Variants in ZNF565 observed in about 807,000 individuals in gnomAD.
ZNF565 encodes the protein zinc finger protein 565.
In ZNF565, 27 loss-of-function variants were observed where a neutral mutation model predicts 39.4. That is an observed-to-expected ratio of 0.69 (90% CI 0.51 to 0.95). ZNF565 has a LOEUF of 0.95. Among genes scored for constraint, ZNF565 ranks in the 40% least tolerant of loss-of-function variants. ZNF565 has a pLI of 0.00. For missense variants in ZNF565, 524 were observed against 621.1 expected (o/e 0.84, Z 1.66); for synonymous variants, 185 against 216.6 (o/e 0.85, Z 1.28).
intron 2 of ZNF565, among the ~76,000 whole-genome samples, chr19:36,196,086 G>A (rs752490893): frequency 4.0e-5 from 6 of 151,812 alleles, no homozygotes; most frequent in South Asian, 4.2e-4. Flanking sequence ...ACAGGTGTGC[G>A]CCGCCACACT....
rs1285216062 is a variant in ZNF565, at chr19:36,182,322, T to C, written c.*144A>G. 1.4e-5 allele frequency: 8 copies of C among 581,052 alleles called. No homozygotes were observed. The highest frequency in any genetic ancestry group is 2.1e-5 in the Non-Finnish European group (8 of 372,970). The allele number at this position is 581,052 out of a possible 1,614,324, so 36.0% of individuals were successfully genotyped here. On this transcript the variant is annotated 3_prime_UTR_variant, in exon 5 of 5. Transcript: ENST00000304116. ...AATTCCCACATTTATTTAATTTTCTTTGGGTGTGAGTTTTCTGATGTTCTA... is the reference window on the plus strand; with the variant it reads ...AATTCCCACATTTATTTAATTTTCTCTGGGTGTGAGTTTTCTGATGTTCTA...
At position 36,183,322 on chromosome 19, in the gene ZNF565, C is replaced by A. The variant is rs199590148; in HGVS notation, c.644G>T (p.Arg215Ile). 39 of 1,614,054 alleles carry A rather than the reference C, an allele frequency of 2.4e-5. No homozygotes were observed. The highest frequency in any genetic ancestry group is 3.2e-5 in the Non-Finnish European group (38 of 1,180,042). Residue 215 changes from arginine to isoleucine, a missense_variant, in exon 5 of 5, where the codon AGA (arginine) becomes ATA (isoleucine). Arg to Ile is a moderately conservative substitution (Grantham distance 97, BLOSUM62 -3). Transcript: ENST00000304116. Reference sequence around the variant, plus strand: ...ATAAGGTTTCTCACCCGTGTGAATTCTCTGATGCTGAACAAGGTGTGAGGC... The same window carrying A: ...ATAAGGTTTCTCACCCGTGTGAATTATCTGATGCTGAACAAGGTGTGAGGC... ...SRASHLVQHQRIHTGEKPYDC... is the reference protein window; with the variant it reads ...SRASHLVQHQIIHTGEKPYDC...
chr19:36,211,938 G>T (rs1014777654), intron 1 of ZNF565, among the ~76,000 whole-genome samples: 1 of 152,122 alleles, frequency 6.6e-6, no homozygotes, highest in Admixed American at 6.6e-5. Context: ...ATGAAAGGAG[G>T]ATAAGAAACG....
At chr19:36,233,570 GA>G in intron 1 of ZNF565, among the ~76,000 whole-genome samples, 1 of 152,300 alleles carries the variant, frequency 6.6e-6, no homozygotes, top group South Asian at 2.1e-4. Flanking sequence ...GTTTCTCGGA[GA>G]GGGGGATGTG....
intron 1 of ZNF565, among the ~76,000 whole-genome samples, chr19:36,242,753 T>C (rs551620355): frequency 1.3e-5 from 2 of 152,198 alleles, no homozygotes; most frequent in East Asian, 3.9e-4. Flanking sequence ...AAAATTAAAA[T>C]GGACAAATAA....
rs1183093969 is a variant in ZNF565, at chr19:36,199,506, C to CTTTTTTTT, written c.9+2463_9+2470dup. Among the ~76,000 whole-genome samples, 328 of 128,886 alleles carry CTTTTTTTT rather than the reference C, an allele frequency of 2.5e-3. 1 individual carries two copies. Among genetic ancestry groups the CTTTTTTTT allele is most frequent in the East Asian group, 4.8e-3 (21 of 4,354 alleles). 84.6% of individuals were successfully genotyped at this position (128,886 alleles called of 152,430 possible). A position where few individuals can be genotyped will look rare whatever the true frequency, so the allele number is the denominator to read the frequency against. On this transcript the variant is annotated intron_variant, in intron 2 of 4. Coordinates refer to ENST00000304116, the MANE Select transcript of ZNF565 (RefSeq NM_152477.5). ...CTTTTAAATGAATTTCTTTCTTTCT[C>CTTTTTTTT]TTTTTTTTTTTTTTTTTTTGAGACA... is the stretch of plus-strand genomic sequence containing the variant.
chr19:36,241,430 G>C (rs1430702097), intron 1 of ZNF565, among the ~76,000 whole-genome samples: 2 of 148,936 alleles, frequency 1.3e-5, no homozygotes, highest in East Asian at 4.0e-4. Context: ...GTTGCAGTGA[G>C]CCGAGATCGT....
chr19:36,195,931 G>A (rs567559058), intron 2 of ZNF565, among the ~76,000 whole-genome samples: 1 of 135,170 alleles, frequency 7.4e-6, no homozygotes, highest in South Asian at 2.4e-4. Flanking sequence ...TTAATGAGAA[G>A]ATGAAGAATT....
Position 36,195,153 on chromosome 19 carries a change from G to C in ZNF565, c.13C>G (p.Leu5Val). Residue 5 changes from leucine to valine, a missense_variant, in exon 3 of 5, where the codon CTG becomes GTG. Physicochemically the swap from Leu to Val is conservative, Grantham distance 32. Transcript: ENST00000304116. MAQG[L>V]VTFRDVAIEF... is the part of the protein sequence containing the mutation. The stretch of plus-strand genomic sequence containing the variant: ...ATGGCCACGTCCCTGAATGTCACCA[G>C]TCCCTGAAACAATAAACCCACGCAT... 1 of 1,613,472 alleles carries C rather than the reference G, an allele frequency of 6.2e-7. No individual in the cohort carries two copies. Among genetic ancestry groups the C allele is most frequent in the South Asian group, 1.1e-5 (1 of 91,068 alleles).
At chr19:36,221,956 G>C (rs1308661570) in intron 1 of ZNF565, among the ~76,000 whole-genome samples, 4 of 108,830 alleles carry the variant, frequency 3.7e-5, no homozygotes, top group Non-Finnish European at 6.9e-5. Context: ...TTTTGAAATA[G>C]TCTCGCTCTG....
At chr19:36,241,761 C>T (rs1201275205) in intron 1 of ZNF565, among the ~76,000 whole-genome samples, 2 of 135,416 alleles carry the variant, frequency 1.5e-5, no homozygotes, top group Admixed American at 7.9e-5. Context: ...CACTGCACTC[C>T]AGCCTGGCAA....
At position 36,200,815 on chromosome 19, in the gene ZNF565, C is replaced by T. The variant is rs545748387; in HGVS notation, c.9+1162G>A. Among the ~76,000 whole-genome samples the T allele has an allele frequency of 4.1e-4, 62 of 152,028 alleles. 1 individual carries two copies. Among genetic ancestry groups the T allele is most frequent in the African/African-American group, 1.3e-3 (55 of 41,480 alleles). On this transcript the variant is annotated intron_variant, in intron 2 of 4. Transcript: ENST00000304116. ...ATATATATTTTCTGAGACAGAGTCT[C>T]GCTGTGTCGCCCAAGCCGGAGTGCA...
intron 1 of ZNF565, among the ~76,000 whole-genome samples, chr19:36,210,790 G>GA (rs969178929): frequency 2.6e-5 from 4 of 151,132 alleles, no homozygotes; most frequent in Non-Finnish European, 4.4e-5. Flanking sequence ...ACACCTGGCT[G>GA]AAAAAAAATC....
chr19:36,203,900 T>C (rs1358912503), intron 1 of ZNF565, among the ~76,000 whole-genome samples: 1 of 151,264 alleles, frequency 6.6e-6, no homozygotes, highest in African/African-American at 2.4e-5. Context: ...TTAAATCTGA[T>C]CTAATTAGAG....
At chr19:36,194,428 A>G (rs1975685700) in intron 3 of ZNF565, 100 bp from the exon 4 acceptor site, 1 of 886,772 alleles carries the variant, frequency 1.1e-6, no homozygotes, top group Admixed American at 2.8e-5. Flanking sequence ...AGGTAGGTGG[A>G]AGGTTGTCCA....
chr19:36,183,907 G>A (rs1208833441), intron 4 of ZNF565, among the ~76,000 whole-genome samples, 174 bp from the exon 5 acceptor site: 1 of 151,490 alleles, frequency 6.6e-6, no homozygotes, highest in Non-Finnish European at 1.5e-5. Context: ...GTGAAACCCT[G>A]TCTCTATTAA....
chr19:36,196,418 G>A (rs566056302), intron 2 of ZNF565, among the ~76,000 whole-genome samples: 81 of 152,266 alleles, frequency 5.3e-4, no homozygotes, highest in African/African-American at 1.9e-3. Flanking sequence ...GAGGAAGGAG[G>A]TAATGAAGCA....
chr19:36,240,185 A>G (rs960180379), intron 1 of ZNF565, among the ~76,000 whole-genome samples: 4 of 152,230 alleles, frequency 2.6e-5, no homozygotes, highest in Non-Finnish European at 1.5e-5. Flanking sequence ...TAAAATATAC[A>G]ACAATTTTAA....
chr19:36,238,809 A>G (rs1977742605), intron 1 of ZNF565: 2 of 166,180 alleles, frequency 1.2e-5, no homozygotes, highest in African/African-American at 2.4e-5. Flanking sequence ...CATACACACT[A>G]TATCGGGGTC....
Sources: allele counts gnomAD v4.1 joint callset (sites outside exome capture counted in the v4.1 genomes callset), GRCh38; gene constraint gnomAD v4.1.1; transcripts MANE v1.5; gene names NCBI Gene and HGNC (gene_info 2026-07-23, HGNC 2026-07-21).